The following NTRK3 variants were observed in gnomAD, a reference collection of about 807,000 sequenced individuals.
NTRK3 encodes the protein neurotrophic receptor tyrosine kinase 3.
A neutral mutation model predicts 91.7 loss-of-function variants in NTRK3; 24 were observed. That is an observed-to-expected ratio of 0.26 (90% confidence interval 0.19 to 0.37). The LOEUF (loss-of-function observed/expected upper bound fraction) is 0.37. Among genes scored for constraint, NTRK3 ranks in the 10% least tolerant of loss-of-function variants. NTRK3 has a pLI of 1.00. For synonymous variants in NTRK3, 483 were observed against 404.0 expected, an observed-to-expected ratio of 1.20 and a Z score of -2.34; for missense variants, 880 against 1,068.9, an observed-to-expected ratio of 0.82 and a Z score of 2.46.
chr15:87,980,349 GCATGTGTA>G (rs1445823753), intron 14 of NTRK3, among the ~76,000 whole-genome samples: 1 of 107,976 alleles, frequency 9.3e-6, no homozygotes, highest in Non-Finnish European at 1.8e-5. Context: ...GTGTGTGTTT[GCATGTGTA>G]CATGTGTTTC....
intron 3 of NTRK3, among the ~76,000 whole-genome samples, chr15:88,239,714 G>C: frequency 6.6e-6 from 1 of 152,150 alleles, no homozygotes; most frequent in East Asian, 1.9e-4. Flanking sequence ...GTGCTTGGGA[G>C]TGGGCTGGTA....
intron 14 of NTRK3, among the ~76,000 whole-genome samples, chr15:87,994,423 C>A (rs538871538): frequency 2.0e-5 from 3 of 152,112 alleles, no homozygotes; most frequent in Non-Finnish European, 4.4e-5. Flanking sequence ...GCACAGAACA[C>A]CATGTGAACA....
At chr15:88,125,664 G>T (rs935885363) in intron 13 of NTRK3, among the ~76,000 whole-genome samples, 1 of 152,124 alleles carries the variant, frequency 6.6e-6, no homozygotes, top group African/African-American at 2.4e-5. Flanking sequence ...CCTTACCCGA[G>T]CCTTGGCAAA....
rs533848493 is a variant in NTRK3, at chr15:88,256,227, G to C, written c.-16+57C>G. ...GGGGTGGGGGGAGTGGGGAGAGCAGGGGGGGAAGGAAACAAAGACGGCGAG... is the reference window on the plus strand; with the variant it reads ...GGGGTGGGGGGAGTGGGGAGAGCAGCGGGGGAAGGAAACAAAGACGGCGAG... On this transcript the variant is annotated intron_variant, in intron 2 of 18. Transcript: ENST00000394480. 589 of 435,564 alleles carry C rather than the reference G, an allele frequency of 1.4e-3. 1 individual carries two copies. The highest frequency in any genetic ancestry group is 0.013 in the African/African-American group (534 of 40,430). The allele number at this position is 435,564 out of a possible 1,614,324, so 27.0% of individuals were successfully genotyped here. A position where few individuals can be genotyped will look rare whatever the true frequency, so the allele number is the denominator to read the frequency against.
intron 13 of NTRK3, among the ~76,000 whole-genome samples, chr15:88,064,249 C>G (rs1049131189): frequency 6.6e-6 from 1 of 152,212 alleles, no homozygotes; most frequent in African/African-American, 2.4e-5. Flanking sequence ...CTTTAAACTC[C>G]TAGCCTTCAA....
At chr15:88,141,975 C>G (rs1049367897) in intron 6 of NTRK3, among the ~76,000 whole-genome samples, 1 of 152,208 alleles carries the variant, frequency 6.6e-6, no homozygotes, top group African/African-American at 2.4e-5. Flanking sequence ...GTGGGGTATT[C>G]CCCCCATCCT....
intron 13 of NTRK3, among the ~76,000 whole-genome samples, chr15:88,119,711 G>A (rs2052494450): frequency 6.6e-6 from 1 of 152,140 alleles, no homozygotes; most frequent in Non-Finnish European, 1.5e-5. Flanking sequence ...AAAACGAGGA[G>A]GAGCAAAGAA....
intron 3 of NTRK3, among the ~76,000 whole-genome samples, chr15:88,204,635 A>G (rs1426605636): frequency 1.3e-5 from 2 of 152,066 alleles, no homozygotes; most frequent in African/African-American, 2.4e-5. Flanking sequence ...CCCTGCTTGC[A>G]CCCTAGGAGG....
intron 12 of NTRK3, 59 bp downstream of exon 12, chr15:88,127,103 T>G: frequency 7.1e-7 from 1 of 1,415,354 alleles, no homozygotes. Flanking sequence ...GCAACACAAA[T>G]GAAGTCTGAA....
At chr15:88,165,541 A>C (rs1246423903) in intron 5 of NTRK3, among the ~76,000 whole-genome samples, 1 of 152,224 alleles carries the variant, frequency 6.6e-6, no homozygotes, top group African/African-American at 2.4e-5. Flanking sequence ...GAGTAAACTA[A>C]AGAAAATTGG....
chr15:88,062,550 G>C (rs1251312364), intron 13 of NTRK3, among the ~76,000 whole-genome samples: 1 of 152,170 alleles, frequency 6.6e-6, no homozygotes, highest in East Asian at 1.9e-4. Context: ...TGGAGCCCTA[G>C]CTGCCAATTT....
At chr15:88,045,649 T>C (rs1022255000) in intron 13 of NTRK3, among the ~76,000 whole-genome samples, 5 of 152,322 alleles carry the variant, frequency 3.3e-5, no homozygotes, top group Non-Finnish European at 5.9e-5. Flanking sequence ...AGGCTAGCAG[T>C]TGGAAATCAA....
intron 3 of NTRK3, among the ~76,000 whole-genome samples, chr15:88,218,528 G>C (rs556254867): frequency 6.6e-6 from 1 of 152,332 alleles, no homozygotes; most frequent in Middle Eastern, 3.4e-3. Context: ...TGCTTGCTAA[G>C]GGCTGGGGCA....
intron 14 of NTRK3, among the ~76,000 whole-genome samples, chr15:88,006,226 T>G (rs1490797738): frequency 1.3e-5 from 2 of 152,206 alleles, no homozygotes; most frequent in Non-Finnish European, 2.9e-5. Context: ...TCATAATTAT[T>G]CTAGGCTTTT....
chr15:88,112,403 C>T (rs2051507499), intron 13 of NTRK3, among the ~76,000 whole-genome samples: 1 of 152,176 alleles, frequency 6.6e-6, no homozygotes, highest in South Asian at 2.1e-4. Context: ...CAAGCTGAAC[C>T]ATGAGCCCCA....
At chr15:87,878,906 GGTGTGTGTGT>G (rs34029623) in intron 18 of NTRK3, among the ~76,000 whole-genome samples, 4,163 of 141,802 alleles carry the variant, frequency 0.029, 71 homozygotes, top group South Asian at 0.036. Context: ...GTGCATGCAT[GGTGTGTGTGT>G]GTGTGTGTGT....
At chr15:88,034,968 C>T (rs1416370271) in intron 13 of NTRK3, among the ~76,000 whole-genome samples, 1 of 152,170 alleles carries the variant, frequency 6.6e-6, no homozygotes, top group Non-Finnish European at 1.5e-5. Flanking sequence ...TCCTCTTTCC[C>T]TCCTCAAACA....
At chr15:88,036,729 C>T (rs970131885) in intron 13 of NTRK3, among the ~76,000 whole-genome samples, 1 of 152,196 alleles carries the variant, frequency 6.6e-6, no homozygotes, top group African/African-American at 2.4e-5. Context: ...CTACAGACTA[C>T]TTGCTTTATT....
chr15:88,003,826 ATTTT>A (rs35312227), intron 14 of NTRK3, among the ~76,000 whole-genome samples: 4 of 136,390 alleles, frequency 2.9e-5, no homozygotes, highest in Admixed American at 1.5e-4. Flanking sequence ...ATATATTTGG[ATTTT>A]TTTTTTTTTT....
Sources: gnomAD v4.1 joint callset for allele counts (sites outside exome capture counted in the v4.1 genomes callset) on GRCh38, gnomAD v4.1.1 for gene constraint, MANE v1.5 for transcripts, NCBI Gene and HGNC (gene_info 2026-07-23, HGNC 2026-07-21) for gene names.